Variants in CATSPERD observed in about 807,000 individuals in gnomAD.
CATSPERD encodes the protein catsper channel auxiliary subunit delta, also known as cation channel sperm-associated auxiliary subunit delta.
In CATSPERD, 86 loss-of-function variants were observed where a neutral mutation model predicts 98.1. The ratio of observed to expected loss-of-function variants is 0.88; its 90% CI spans 0.74 to 1.05. CATSPERD has a LOEUF of 1.05. Among genes scored for constraint, CATSPERD ranks in the 50% least tolerant of loss-of-function variants. The pLI, the probability that CATSPERD is intolerant of heterozygous loss-of-function variation, is 0.00. For missense variants in CATSPERD, 995 were observed against 1,005.7 expected (o/e 0.99, Z 0.14); for synonymous variants, 394 against 390.2 (o/e 1.01, Z -0.12).
chr19:5,723,506 C>CCAG (rs2055541572), intron 1 of CATSPERD, among the ~76,000 whole-genome samples: 2 of 148,328 alleles, frequency 1.3e-5, no homozygotes, highest in East Asian at 4.1e-4. Context: ...GCTCTGTTGC[C>CCAG]CAGGCTGGAG....
At chr19:5,772,561 G>T in intron 19 of CATSPERD, 1 of 518,088 alleles carries the variant, frequency 1.9e-6, no homozygotes. Flanking sequence ...TGTTATCAAT[G>T]CTCAGTGCTG....
intron 7 of CATSPERD, 46 bp from the exon 8 acceptor site, chr19:5,744,381 T>C (rs1267272371): frequency 2.8e-6 from 4 of 1,452,204 alleles, no homozygotes; most frequent in Non-Finnish European, 9.6e-7. Flanking sequence ...CAAACACATG[T>C]GTATTAAGAT....
At position 5,748,359 on chromosome 19, in the gene CATSPERD, G is replaced by A. The variant is rs1049929435; in HGVS notation, c.904+104G>A. On this transcript the variant is annotated intron_variant, in intron 10 of 21. Coordinates refer to ENST00000381624, the MANE Select transcript of CATSPERD (RefSeq NM_152784.4). ...CCAAAACACGAAATCAGCTGGGCGC[G>A]GTGGCTCATGCCTGTAATTCCAGCA... 26 of 1,049,528 alleles carry A rather than the reference G, an allele frequency of 2.5e-5. 1 individual carries two copies. The highest frequency in any genetic ancestry group is 3.8e-5 in the South Asian group (3 of 78,098). 65.0% of individuals were successfully genotyped at this position (1,049,528 alleles called of 1,614,324 possible). A position where few individuals can be genotyped will look rare whatever the true frequency, so the allele number is the denominator to read the frequency against.
intron 21 of CATSPERD, among the ~76,000 whole-genome samples, 169 bp from the exon 22 acceptor site, chr19:5,778,207 C>CA (rs555139661): frequency 0.31 from 25,346 of 82,040 alleles, 3,470 homozygotes; most frequent in African/African-American, 0.48. Flanking sequence ...GACTCCGACT[C>CA]AAAAAAAAAA....
intron 10 of CATSPERD, among the ~76,000 whole-genome samples, chr19:5,748,623 C>CA (rs1179884868): frequency 0.03 from 1,510 of 49,800 alleles, 42 homozygotes; most frequent in African/African-American, 0.074. Flanking sequence ...AGTGAGACTC[C>CA]AAAAAAAAAA....
At chr19:5,759,046 T>G in intron 14 of CATSPERD, 40 bp from the exon 15 acceptor site, 1 of 1,596,054 alleles carries the variant, frequency 6.3e-7, no homozygotes, top group Non-Finnish European at 8.6e-7. Flanking sequence ...CCCATGGTGT[T>G]CCACGGATAC....
intron 20 of CATSPERD, among the ~76,000 whole-genome samples, chr19:5,773,693 CT>C (rs71172770): frequency 0.56 from 68,027 of 121,230 alleles, 19,241 homozygotes; most frequent in East Asian, 0.73. Context: ...ATTTTTGTAT[CT>C]TTTTTTTTTT....
rs546773535 is a variant in CATSPERD at position 5,722,940 on chromosome 19, G to A, written c.72-1868G>A. On this transcript the variant is annotated intron_variant, in intron 1 of 21. Transcript: ENST00000381624. ...GCGGGGGCTCACGCCTGTAATCCCA[G>A]CACTTTGGGAGGTGGAGGCGGGCGG... Among the ~76,000 whole-genome samples, 77 of 152,102 alleles carry A rather than the reference G, an allele frequency of 5.1e-4. 1 individual carries two copies. The South Asian group carries it at 0.016, about 31-fold the overall frequency.
Position 5,748,175 on chromosome 19 carries a change from C to T in CATSPERD, c.824C>T (p.Thr275Ile), listed in dbSNP as rs2056131911. 6.2e-7 allele frequency: 1 copy of T among 1,613,968 alleles called. No homozygotes were observed. The highest frequency in any genetic ancestry group is 8.5e-7 in the Non-Finnish European group (1 of 1,179,936). ...FSHNAGQLVDTVRVKKGDQTL... is the reference protein window; with the variant it reads ...FSHNAGQLVDIVRVKKGDQTL... ...TACCTCCTAGGTCAGCTCGTCGACACCGTCCGGGTGAAAAAAGGAGACCAG... is the reference window on the plus strand; with the variant it reads ...TACCTCCTAGGTCAGCTCGTCGACATCGTCCGGGTGAAAAAAGGAGACCAG... The change falls in exon 10 of 22, where the codon ACC (threonine) becomes ATC (isoleucine). Residue 275 changes from threonine to isoleucine, a missense_variant. This residue lies in a region of CATSPERD where 762 missense variants were observed against 773.7 expected (regional missense o/e 0.98). Transcript: ENST00000381624.
intron 11 of CATSPERD, among the ~76,000 whole-genome samples, chr19:5,749,528 C>T (rs1390187109): frequency 2.6e-5 from 4 of 152,022 alleles, no homozygotes; most frequent in Non-Finnish European, 2.9e-5. Flanking sequence ...AACCTTTTTT[C>T]GAAGGCTAGA....
chr19:5,772,556 T>C (rs576392543), intron 19 of CATSPERD: 8 of 504,604 alleles, frequency 1.6e-5, no homozygotes, highest in Non-Finnish European at 2.1e-5. Flanking sequence ...CACCCTGTTA[T>C]CAATGCTCAG....
At chr19:5,745,568 C>T (rs968727097) in intron 8 of CATSPERD, among the ~76,000 whole-genome samples, 22 of 152,112 alleles carry the variant, frequency 1.4e-4, no homozygotes, top group African/African-American at 5.3e-4. Flanking sequence ...TGGCAGTGAG[C>T]CGAGATCGTG....
At chr19:5,771,376 G>A (rs1342230397) in intron 19 of CATSPERD, among the ~76,000 whole-genome samples, 1 of 152,152 alleles carries the variant, frequency 6.6e-6, no homozygotes, top group Middle Eastern at 3.2e-3. Context: ...AGCCTCCCAG[G>A]TAGCTGGGAC....
intron 16 of CATSPERD, among the ~76,000 whole-genome samples, chr19:5,765,411 TTCATTCATTC>T (rs1568369467): frequency 0.18 from 6,538 of 36,478 alleles, 325 homozygotes; most frequent in South Asian, 0.24. Context: ...GATTTATTCA[TTCATTCATTC>T]ATTCATTCAT....
intron 11 of CATSPERD, among the ~76,000 whole-genome samples, chr19:5,751,171 C>T (rs2056206615): frequency 1.8e-5 from 2 of 112,522 alleles, no homozygotes; most frequent in Non-Finnish European, 1.7e-5. Context: ...GCACTCCAGC[C>T]CAGGCGACAG....
intron 2 of CATSPERD, among the ~76,000 whole-genome samples, chr19:5,725,540 T>A (rs2145675611): frequency 6.6e-6 from 1 of 152,278 alleles, no homozygotes; most frequent in East Asian, 1.9e-4. Context: ...AATGTCAGTT[T>A]ACTTCATGCT....
At chr19:5,751,373 G>GA (rs1249350761) in intron 11 of CATSPERD, among the ~76,000 whole-genome samples, 10 of 144,704 alleles carry the variant, frequency 6.9e-5, no homozygotes, top group East Asian at 2.0e-4. Flanking sequence ...AAAATACAAA[G>GA]AAAAAAAAAA....
At chr19:5,773,710 T>G (rs1599600905) in intron 20 of CATSPERD, among the ~76,000 whole-genome samples, 3 of 103,864 alleles carry the variant, frequency 2.9e-5, no homozygotes, top group African/African-American at 9.5e-5. Flanking sequence ...TTTTTTTTTT[T>G]GTAGAGGCAG....
chr19:5,764,284 C>G (rs1257625202), intron 16 of CATSPERD, among the ~76,000 whole-genome samples: 1 of 146,452 alleles, frequency 6.8e-6, no homozygotes, highest in African/African-American at 2.5e-5. Context: ...TAAGGTAAAT[C>G]CATGTTTGTC....
Sources: gnomAD v4.1 joint callset for allele counts (sites outside exome capture counted in the v4.1 genomes callset) on GRCh38, gnomAD v4.1.1 for gene constraint, gnomAD v4.1.1 regional missense constraint, MANE v1.5 for transcripts, NCBI Gene and HGNC (gene_info 2026-07-23, HGNC 2026-07-21) for gene names.